CFAP107: variants seen among roughly 807,000 people sequenced by gnomAD.
The protein encoded by CFAP107 is cilia and flagella associated protein 107, also known as cilia- and flagella-associated protein 107.
At chr1:12,751,098 A>T in the CFAP107 span, among the ~76,000 whole-genome samples, 1 of 152,294 alleles carries the variant, frequency 6.6e-6, no homozygotes, top group South Asian at 2.1e-4. Flanking sequence ...AGTAATGAAA[A>T]TACAACATAC....
the CFAP107 span, among the ~76,000 whole-genome samples, chr1:12,747,990 T>C: frequency 1.3e-5 from 2 of 152,142 alleles, no homozygotes; most frequent in African/African-American, 4.8e-5. Flanking sequence ...CAAAGATATA[T>C]AGCGACAAAT....
the CFAP107 span, among the ~76,000 whole-genome samples, chr1:12,758,072 A>G: frequency 1.3e-5 from 2 of 152,084 alleles, no homozygotes; most frequent in Admixed American, 1.3e-4. Flanking sequence ...AATGGTTCCC[A>G]TGGAAACCAC....
chr1:12,747,071 CT>C, the CFAP107 span, among the ~76,000 whole-genome samples: 344 of 142,738 alleles, frequency 2.4e-3, no homozygotes, highest in South Asian at 3.8e-3. Context: ...TCAATTTTTA[CT>C]TTTTTTTTTT....
At chr1:12,753,340 G>A in the CFAP107 span, 2 of 149,440 alleles carry the variant, frequency 1.3e-5, no homozygotes, top group Non-Finnish European at 2.9e-5. Context: ...CCCCAGTAAA[G>A]GTTTTTTTTT....
chr1:12,749,080 A>G, the CFAP107 span, among the ~76,000 whole-genome samples: 1 of 152,202 alleles, frequency 6.6e-6, no homozygotes, highest in Non-Finnish European at 1.5e-5. Flanking sequence ...TAAGGAGAAG[A>G]GAGAGAGAAA....
At chr1:12,755,528 T>C in the CFAP107 span, among the ~76,000 whole-genome samples, 1 of 152,192 alleles carries the variant, frequency 6.6e-6, no homozygotes, top group East Asian at 1.9e-4. Flanking sequence ...GGGTGCCGGA[T>C]GGCAGGCTCC....
the CFAP107 span, among the ~76,000 whole-genome samples, chr1:12,746,764 C>A: frequency 6.6e-6 from 1 of 152,008 alleles, no homozygotes; most frequent in Non-Finnish European, 1.5e-5. Flanking sequence ...TGATGGTTAT[C>A]GAAAAGACCA....
At chr1:12,752,078 G>A in the CFAP107 span, among the ~76,000 whole-genome samples, 1 of 152,128 alleles carries the variant, frequency 6.6e-6, no homozygotes, top group Non-Finnish European at 1.5e-5. Context: ...CCAGAATATT[G>A]AAGAGGAAGA....
the CFAP107 span, chr1:12,753,904 T>C: frequency 4.6e-5 from 7 of 151,698 alleles, no homozygotes; most frequent in South Asian, 4.2e-4. Flanking sequence ...ATCTCTCTCT[T>C]TTTTTTTAAT....
chr1:12,761,030 C>T, the CFAP107 span: 326 of 1,363,620 alleles, frequency 2.4e-4, 4 homozygotes, highest in South Asian at 3.0e-3. Flanking sequence ...CAACAAGTGG[C>T]GCAGATAAAC....
the CFAP107 span, chr1:12,753,591 C>T: frequency 7.2e-5 from 11 of 152,040 alleles, no homozygotes; most frequent in East Asian, 1.2e-3. Flanking sequence ...TGACTCTTGA[C>T]GAGGATGCTA....
the CFAP107 span, chr1:12,746,352 C>A: frequency 1.7e-6 from 2 of 1,200,854 alleles, no homozygotes; most frequent in Admixed American, 1.8e-5. Flanking sequence ...CCAAACTCAG[C>A]AACTTCATAA....
At chr1:12,748,526 A>T in the CFAP107 span, among the ~76,000 whole-genome samples, 1 of 152,086 alleles carries the variant, frequency 6.6e-6, no homozygotes, top group East Asian at 1.9e-4. Flanking sequence ...AGAGTTGAGA[A>T]TATTTTAAGC....
At chr1:12,757,330 CT>C in the CFAP107 span, among the ~76,000 whole-genome samples, 1 of 83,182 alleles carries the variant, frequency 1.2e-5, no homozygotes, top group Non-Finnish European at 2.5e-5. Flanking sequence ...TTCTTTTTTT[CT>C]TTTCTTTTCT....
At chr1:12,747,799 T>C in the CFAP107 span, among the ~76,000 whole-genome samples, 102 of 152,216 alleles carry the variant, frequency 6.7e-4, no homozygotes, top group African/African-American at 2.3e-3. Context: ...CAGGTGCCCA[T>C]GGGTGATGCA....
chr1:12,760,911 C>T, the CFAP107 span: 29 of 1,613,744 alleles, frequency 1.8e-5, 1 homozygote, highest in African/African-American at 1.1e-4. Context: ...CATGCGGTCC[C>T]GGTCCCTCCC....
the CFAP107 span, among the ~76,000 whole-genome samples, chr1:12,752,419 T>C: frequency 6.6e-6 from 1 of 151,414 alleles, no homozygotes; most frequent in Non-Finnish European, 1.5e-5. Context: ...ACCTTGTCCC[T>C]ACAAAAAATA....
the CFAP107 span, among the ~76,000 whole-genome samples, chr1:12,756,514 G>T: frequency 6.6e-6 from 1 of 152,302 alleles, no homozygotes; most frequent in Admixed American, 6.5e-5. Context: ...CACAGCCTGG[G>T]GAGAGCAAGC....
chr1:12,760,845 G>T, the CFAP107 span: 1 of 1,614,178 alleles, frequency 6.2e-7, no homozygotes, highest in Non-Finnish European at 8.5e-7. Context: ...CTGAAGCAGA[G>T]CACTTATACT....
Sources: allele counts gnomAD v4.1 joint callset (sites outside exome capture counted in the v4.1 genomes callset), GRCh38; gene constraint gnomAD v4.1.1; transcripts MANE v1.5; gene names NCBI Gene and HGNC (gene_info 2026-07-23, HGNC 2026-07-21).